CRAT: variants seen among roughly 807,000 people sequenced by gnomAD.
CRAT encodes carnitine acetylase.
In CRAT, 66 loss-of-function variants were observed where a neutral mutation model predicts 73.7. That is an observed-to-expected ratio of 0.90 (90% CI 0.73 to 1.10). The LOEUF is 1.10. CRAT is among the 50% of genes least tolerant of loss of function. The pLI, the probability that CRAT is intolerant of heterozygous loss-of-function variation, is 0.00. For missense variants in CRAT, 745 were observed against 846.9 expected, an observed-to-expected ratio of 0.88 and a Z score of 1.49; for synonymous variants, 321 against 343.2, an observed-to-expected ratio of 0.94 and a Z score of 0.71.
At chr9:129,098,500 C>T (rs1847434420) in intron 9 of CRAT, 31 bp downstream of exon 9, 1 of 1,599,078 alleles carries the variant, frequency 6.3e-7, no homozygotes, top group Non-Finnish European at 8.5e-7. Flanking sequence ...CTCACCCATC[C>T]AGCACAGGGA....
rs1351333486 is a variant in CRAT, at chr9:129,107,960, G to A, written c.145C>T (p.His49Tyr). The A allele has an allele frequency of 6.2e-7, 1 of 1,608,002 alleles. No homozygotes were observed. The highest frequency in any genetic ancestry group is 8.5e-7 in the Non-Finnish European group (1 of 1,179,350). The change falls in exon 2 of 14, where the codon CAC (histidine) becomes TAC (tyrosine). Residue 49 changes from histidine to tyrosine, a missense_variant. By Grantham distance (83) the His-to-Tyr change is moderately conservative. Transcript: ENST00000318080. This position sits in a 1 kb window ranked among gnomAD's most constrained non-coding sequence, Gnocchi z 5.0. ...PVPPLQQSLD[H>Y]YLKALQPIVS... ...ATGGGCTGCAGCGCCTTCAGGTAGTGGTCCAGGGACTGCTGGAGAGGGGGC... is the reference window on the plus strand; with the variant it reads ...ATGGGCTGCAGCGCCTTCAGGTAGTAGTCCAGGGACTGCTGGAGAGGGGGC...
At position 129,107,719 on chromosome 9, in the gene CRAT, G is replaced by A. The variant is rs1476052510; in HGVS notation, c.291+95C>T. On this transcript the variant is annotated intron_variant, in intron 2 of 13. Coordinates refer to ENST00000318080, the MANE Select transcript of CRAT (RefSeq NM_000755.5). This position sits in a 1 kb window ranked among gnomAD's most constrained non-coding sequence, Gnocchi z 5.0. ...ACAGAGTATGTGCTCACGAAACTCT[G>A]GGCAGCAAACGAACGGCCGTGCCAG... is the stretch of plus-strand genomic sequence containing the variant. The A allele has an allele frequency of 6.3e-7, 1 of 1,575,590 alleles. No homozygotes were observed. The highest frequency in any genetic ancestry group is 8.7e-7 in the Non-Finnish European group (1 of 1,151,410).
intron 1 of CRAT, among the ~76,000 whole-genome samples, chr9:129,109,462 G>A (rs1848243991): frequency 6.6e-6 from 1 of 152,326 alleles, no homozygotes; most frequent in South Asian, 2.1e-4. Context: ...AAGAGCGGAG[G>A]ACTTTTGGTA....
chr9:129,104,718 C>T (rs1235322810), intron 2 of CRAT, among the ~76,000 whole-genome samples: 1 of 151,372 alleles, frequency 6.6e-6, no homozygotes, highest in East Asian at 1.9e-4. Flanking sequence ...CATTCTCCTG[C>T]CTCAGCCTCC....
chr9:129,102,127 C>T, intron 5 of CRAT, 70 bp from the exon 6 acceptor site: 1 of 1,517,412 alleles, frequency 6.6e-7, no homozygotes, highest in Non-Finnish European at 9.0e-7. Context: ...GCCACCTCCC[C>T]ACACCTGCCT....
At chr9:129,104,376 G>C (rs1433746483) in intron 2 of CRAT, 70 bp from the exon 3 acceptor site, 1 of 1,298,044 alleles carries the variant, frequency 7.7e-7, no homozygotes, top group African/African-American at 1.5e-5. Flanking sequence ...CCAGGGCTAG[G>C]GGACCTGGCT....
Position 129,110,532 on chromosome 9 carries a change from C to A in CRAT, c.-23G>T. On this transcript the variant is annotated 5_prime_UTR_variant, in exon 1 of 14. Transcript: ENST00000318080. This position sits in a 1 kb window ranked among gnomAD's most constrained non-coding sequence, Gnocchi z 5.3. ...CATCTTCGCTGCCCGTCCGCGGACA[C>A]GCAGTCCGCTCCGCCCCACACACCG... 6.3e-7 allele frequency: 1 copy of A among 1,578,258 alleles called. No individual in the cohort carries two copies. The highest frequency in any genetic ancestry group is 8.6e-7 in the Non-Finnish European group (1 of 1,168,856).
intron 6 of CRAT, 120 bp downstream of exon 6, chr9:129,101,763 G>T: frequency 7.9e-7 from 1 of 1,265,292 alleles, no homozygotes; most frequent in Non-Finnish European, 1.1e-6. Flanking sequence ...CTCTTAACCT[G>T]TCTCTTCTCA....
At chr9:129,096,508 G>A (rs932857669) in intron 12 of CRAT, among the ~76,000 whole-genome samples, 3 of 152,246 alleles carry the variant, frequency 2.0e-5, no homozygotes, top group Admixed American at 6.5e-5. Context: ...CTAAATGGAC[G>A]TGTGCATGTA....
At position 129,098,230 on chromosome 9, in the gene CRAT, G is replaced by T; in HGVS notation, c.1328+19C>A. ...CCCAGGTCTCCTCCCTCCTCCATGG[G>T]TGGGCCACAGAGGCGCACCTGTAGT... On this transcript the variant is annotated intron_variant, in intron 10 of 13. Coordinates refer to ENST00000318080, the MANE Select transcript of CRAT (RefSeq NM_000755.5). The T allele has an allele frequency of 6.2e-7, 1 of 1,613,388 alleles. No individual in the cohort carries two copies. Among genetic ancestry groups the T allele is most frequent in the African/African-American group, 1.3e-5 (1 of 75,076 alleles).
intron 1 of CRAT, among the ~76,000 whole-genome samples, chr9:129,109,846 G>A (rs1255174818): frequency 6.6e-6 from 1 of 151,534 alleles, no homozygotes; most frequent in East Asian, 1.9e-4. Context: ...GGGGAGGACT[G>A]AGGGGTAGAT....
Position 129,110,452 on chromosome 9 carries a change from G to C in CRAT, c.27+31C>G, listed in dbSNP as rs1848355796. 3 of 1,558,614 alleles carry C rather than the reference G, an allele frequency of 1.9e-6. No individual in the cohort carries two copies. Among genetic ancestry groups the C allele is most frequent in the Non-Finnish European group, 2.6e-6 (3 of 1,160,592 alleles). The stretch of plus-strand genomic sequence containing the variant: ...CGCACGGCCCGCCCAGGCCGTCCAG[G>C]GCCCTCAGGCCCGGGATCCGCCGCA... On this transcript the variant is annotated intron_variant, in intron 1 of 13. Coordinates refer to ENST00000318080, the MANE Select transcript of CRAT (RefSeq NM_000755.5). This position sits in a 1 kb window ranked among gnomAD's most constrained non-coding sequence, Gnocchi z 5.3.
chr9:129,105,790 G>A (rs781763150), intron 2 of CRAT, among the ~76,000 whole-genome samples: 3 of 152,138 alleles, frequency 2.0e-5, no homozygotes, highest in Admixed American at 1.3e-4. Context: ...GAATCCTTAT[G>A]CTAGTGACAA....
Position 129,101,910 on chromosome 9 carries a change from C to G in CRAT, c.778G>C (p.Ala260Pro), listed in dbSNP as rs763477667. ...ILTSNHRNSW[A>P]KAYNTLIKDK... is the part of the protein sequence containing the mutation. ...TTGATGAGGGTGTTGTATGCCTTGG[C>G]CCAGGAGTTGCGGTGGTTGGAGGTG... is the stretch of plus-strand genomic sequence containing the variant. The change falls in exon 6 of 14, where the codon GCC becomes CCC. Residue 260 changes from alanine to proline, a missense_variant. Coordinates refer to ENST00000318080, the MANE Select transcript of CRAT (RefSeq NM_000755.5). The G allele has an allele frequency of 1.9e-6, 3 of 1,614,044 alleles. No homozygotes were observed. The highest frequency in any genetic ancestry group is 1.7e-5 in the Admixed American group (1 of 60,008).
Position 129,097,286 on chromosome 9 carries a change from C to T in CRAT, c.1491G>A (p.Arg497=), listed in dbSNP as rs142099725. Residue 497 remains arginine (R), a synonymous_variant, in exon 12 of 14, where the codon CGG becomes CGA. Coordinates refer to ENST00000318080, the MANE Select transcript of CRAT (RefSeq NM_000755.5). ...VTEHQKVELL[R]KAVQAHRGYT... is the part of the protein sequence containing the mutation. Reference sequence around the variant, plus strand: ...AGCCTCGGTGGGCCTGCACGGCCTTCCGCAGCAGCTCCACCTTCTGGTGCT... The same window carrying T: ...AGCCTCGGTGGGCCTGCACGGCCTTTCGCAGCAGCTCCACCTTCTGGTGCT... 4,571 of 1,494,322 alleles carry T rather than the reference C, an allele frequency of 3.1e-3. 11 individuals carry two copies. Among genetic ancestry groups the T allele is most frequent in the Non-Finnish European group, 3.8e-3 (4,240 of 1,119,228 alleles). 92.6% of individuals were successfully genotyped at this position (1,494,322 alleles called of 1,614,324 possible). A position where few individuals can be genotyped will look rare whatever the true frequency, so the allele number is the denominator to read the frequency against.
At chr9:129,108,674 G>T in intron 1 of CRAT, 1 of 1,268,338 alleles carries the variant, frequency 7.9e-7, no homozygotes. Flanking sequence ...GAAAGAGAAA[G>T]TCCAGGAGGC....
At chr9:129,098,465 A>G (rs1190795349) in intron 9 of CRAT, 66 bp downstream of exon 9, 48 of 1,588,268 alleles carry the variant, frequency 3.0e-5, no homozygotes, top group Non-Finnish European at 4.0e-5. Flanking sequence ...CTGGCACAGG[A>G]GCCTCTCAAG....
chr9:129,098,132 A>C lies in CRAT; in HGVS notation c.1345T>G (p.Cys449Gly), dbSNP rs376125366. 6.2e-7 allele frequency: 1 copy of C among 1,613,888 alleles called. No individual in the cohort carries two copies. ...LAYYRIYGQA[C>G]ATYESASLRM... ...AGGGAGGCACTTTCATAGGTGGCAC[A>C]TGCCTGTCCGTAGATCCTGGTGGGA... is the stretch of plus-strand genomic sequence containing the variant. Residue 449 changes from cysteine to glycine, a missense_variant, in exon 11 of 14, where the codon TGT (cysteine) becomes GGT (glycine). Physicochemically the swap from Cys to Gly is radical, Grantham distance 159 (BLOSUM62 -3). Transcript: ENST00000318080.
Position 129,107,346 on chromosome 9 carries a change from C to T in CRAT, c.291+468G>A, listed in dbSNP as rs534644490. ...TGCATCCAGCTGCCACTTTTTAAAT[C>T]TGTGTATTGAAGTATGAGATGCAAA... On this transcript the variant is annotated intron_variant, in intron 2 of 13. Transcript: ENST00000318080. This position sits in a 1 kb window ranked among gnomAD's most constrained non-coding sequence, Gnocchi z 5.0. The T allele has an allele frequency of 6.6e-6, 3 of 454,678 alleles. No homozygotes were observed. Among genetic ancestry groups the T allele is most frequent in the South Asian group, 5.9e-5 (2 of 33,720 alleles). The allele number at this position is 454,678 out of a possible 1,614,324, so 28.2% of individuals were successfully genotyped here.
Sources: gnomAD v4.1 joint callset for allele counts (sites outside exome capture counted in the v4.1 genomes callset) on GRCh38, gnomAD v4.1.1 for gene constraint, Gnocchi (gnomAD v3.1) non-coding constraint, MANE v1.5 for transcripts, NCBI Gene and HGNC (gene_info 2026-07-23, HGNC 2026-07-21) for gene names.